The following XG variants were observed in gnomAD, a reference collection of about 807,000 sequenced individuals.
XG encodes the protein glycoprotein Xg.
In XG, 24 loss-of-function variants were observed where a neutral mutation model predicts 25.7. The ratio of observed to expected loss-of-function variants is 0.93; its 90% CI spans 0.68 to 1.31. The LOEUF (loss-of-function observed/expected upper bound fraction) is 1.31, where lower values mean the gene tolerates loss of function less well. Among genes scored for constraint, XG ranks in the 40% most tolerant of loss-of-function variants. The pLI is 0.00. For synonymous variants in XG, 77 were observed against 69.2 expected (o/e 1.11, Z -0.56); for missense variants, 181 against 187.6 (o/e 0.96, Z 0.21).
At chrX:2,790,671 G>A (rs1159517120) in intron 5 of XG, among the ~76,000 whole-genome samples, 6 of 110,586 alleles carry the variant, frequency 5.4e-5, no homozygotes, top group Non-Finnish European at 7.6e-5. Flanking sequence ...AGAGTGACGC[G>A]TGCCTGTAAT....
chrX:2,756,721 G>C (rs1286003623), intron 1 of XG, among the ~76,000 whole-genome samples: 5 of 152,168 alleles, frequency 3.3e-5, no homozygotes, highest in Admixed American at 3.3e-4. Flanking sequence ...CTCACAGGAT[G>C]TGCAACAGGG....
intron 1 of XG, among the ~76,000 whole-genome samples, chrX:2,762,747 A>G (rs1255278733): frequency 6.6e-6 from 1 of 152,148 alleles, no homozygotes; most frequent in African/African-American, 2.4e-5. Flanking sequence ...TAACCTAGTC[A>G]TATGATTTAA....
intron 9 of XG, among the ~76,000 whole-genome samples, chrX:2,810,783 G>T: frequency 9.0e-6 from 1 of 110,898 alleles, no homozygotes. Context: ...GGGCATGGTG[G>T]CATACACCTG....
intron 7 of XG, among the ~76,000 whole-genome samples, chrX:2,798,838 T>A (rs768280843): frequency 5.4e-5 from 6 of 110,644 alleles, no homozygotes; most frequent in African/African-American, 2.0e-4. Flanking sequence ...AAAACTAATA[T>A]GTGCCAAGAG....
chrX:2,789,543 G>A, intron 4 of XG, 101 bp from the exon 5 acceptor site: 1 of 471,764 alleles, frequency 2.1e-6, no homozygotes. Flanking sequence ...AAAGCAATGG[G>A]CAGTAACATC....
At chrX:2,804,965 C>A (rs188779737) in intron 7 of XG, among the ~76,000 whole-genome samples, 2 of 112,474 alleles carry the variant, frequency 1.8e-5, no homozygotes, top group South Asian at 7.4e-4. Context: ...CGCTTGTTTT[C>A]GAGGATGCCT....
At chrX:2,758,306 G>A (rs1311270532) in intron 1 of XG, among the ~76,000 whole-genome samples, 4 of 152,212 alleles carry the variant, frequency 2.6e-5, no homozygotes, top group East Asian at 1.9e-4. Flanking sequence ...TATTAAAAGC[G>A]CCACCCAGTC....
intron 10 of XG, among the ~76,000 whole-genome samples, chrX:2,811,723 A>G (rs1352405549): frequency 9.0e-6 from 1 of 111,156 alleles, no homozygotes; most frequent in Non-Finnish European, 1.9e-5. Flanking sequence ...AGCCTCCCGA[A>G]CAGCTGGGAC....
At chrX:2,762,731 C>A (rs139699007) in intron 1 of XG, among the ~76,000 whole-genome samples, 1 of 152,182 alleles carries the variant, frequency 6.6e-6, no homozygotes, top group Non-Finnish European at 1.5e-5. Context: ...TTGCAACCTA[C>A]GGTCCTAACC....
chrX:2,807,909 G>A (rs867708294), intron 8 of XG, among the ~76,000 whole-genome samples: 1 of 111,774 alleles, frequency 8.9e-6, no homozygotes, highest in African/African-American at 3.3e-5. Flanking sequence ...TTTTGCATGC[G>A]CATGTATGTA....
chrX:2,774,832 G>C (rs1449129597), intron 3 of XG, 93 bp downstream of exon 3: 21 of 1,519,526 alleles, frequency 1.4e-5, no homozygotes, highest in Non-Finnish European at 1.8e-5. Flanking sequence ...AGAACTGTGG[G>C]GTATATGAAA....
At chrX:2,806,089 G>A (rs924242398) in intron 7 of XG, among the ~76,000 whole-genome samples, 39 of 112,037 alleles carry the variant, frequency 3.5e-4, no homozygotes, top group African/African-American at 1.2e-3. Context: ...GTGCAGGGAC[G>A]TGATCATAGA....
intron 1 of XG, among the ~76,000 whole-genome samples, chrX:2,767,353 G>A (rs752608857): frequency 1.5e-3 from 230 of 152,180 alleles, no homozygotes; most frequent in Middle Eastern, 0.01. Context: ...ACCAACAGGA[G>A]CCACTTAATC....
At chrX:2,761,681 ACAG>A (rs1260484550) in intron 1 of XG, among the ~76,000 whole-genome samples, 21 of 151,672 alleles carry the variant, frequency 1.4e-4, no homozygotes, top group African/African-American at 4.1e-4. Flanking sequence ...GTATGCTGTG[ACAG>A]CAGCCTGAAA....
chrX:2,797,399 T>A, intron 7 of XG, 39 bp downstream of exon 7: 1 of 1,054,553 alleles, frequency 9.5e-7, no homozygotes, highest in Non-Finnish European at 1.3e-6. Flanking sequence ...GGGTGGAGGG[T>A]GGGAGGGGTC....
chrX:2,781,947 G>A, intron 3 of XG, 119 bp from the exon 4 acceptor site: 1 of 685,502 alleles, frequency 1.5e-6, no homozygotes, highest in Non-Finnish European at 2.3e-6. Context: ...CACACCGTGG[G>A]CAGCAAATCA....
chrX:2,776,404 T>C (rs1456742692), intron 3 of XG, among the ~76,000 whole-genome samples: 2 of 152,142 alleles, frequency 1.3e-5, no homozygotes, highest in Non-Finnish European at 2.9e-5. Context: ...TGGGCGTTAC[T>C]AATCAGACGA....
chrX:2,803,485 T>G (rs2086963701), intron 7 of XG, among the ~76,000 whole-genome samples: 1 of 111,083 alleles, frequency 9.0e-6, no homozygotes, highest in African/African-American at 3.3e-5. Flanking sequence ...AGTTTTATTA[T>G]TACTCAAATC....
intron 4 of XG, 114 bp from the exon 5 acceptor site, chrX:2,789,530 G>A (rs765777507): frequency 3.3e-4 from 142 of 430,863 alleles, no homozygotes; most frequent in Non-Finnish European, 5.0e-4. Flanking sequence ...AATAAGCTCC[G>A]TAAAAGCAAT....
Sources: allele counts gnomAD v4.1 joint callset (sites outside exome capture counted in the v4.1 genomes callset), GRCh38; gene constraint gnomAD v4.1.1; transcripts MANE v1.5; gene names NCBI Gene and HGNC (gene_info 2026-07-23, HGNC 2026-07-21).